The following AAK1 variants were observed in gnomAD, a reference collection of about 807,000 sequenced individuals.
The protein encoded by AAK1 is AP2 associated kinase 1.
AAK1 carries 37 observed loss-of-function variants against 116.0 expected under a neutral mutation model. The observed-to-expected ratio is 0.32, with a 90% CI of 0.25 to 0.42. The LOEUF (loss-of-function observed/expected upper bound fraction) is 0.42. Ranked by LOEUF, AAK1 falls within the 10% of genes least tolerant of loss-of-function variation. AAK1 has a pLI of 1.00. For missense variants in AAK1, 919 were observed against 1,170.6 expected (o/e 0.79, Z 3.14); for synonymous variants, 458 against 439.9 (o/e 1.04, Z -0.51).
chr2:69,614,291 G>C (rs968509845), intron 2 of AAK1, among the ~76,000 whole-genome samples: 9 of 152,190 alleles, frequency 5.9e-5, no homozygotes, highest in African/African-American at 1.7e-4. Context: ...CAAGGAAGGA[G>C]AAAGGGAAGA....
chr2:69,552,013 A>G (rs1462704078), intron 3 of AAK1, among the ~76,000 whole-genome samples: 1 of 152,208 alleles, frequency 6.6e-6, no homozygotes, highest in Non-Finnish European at 1.5e-5. Flanking sequence ...AGCATGTTAC[A>G]TCTTCTGATT....
chr2:69,593,612 G>A (rs888872902), intron 2 of AAK1, among the ~76,000 whole-genome samples: 4 of 152,058 alleles, frequency 2.6e-5, no homozygotes, highest in Admixed American at 6.5e-5. Context: ...AAATCTATGG[G>A]TGATATGAGT....
At chr2:69,508,382 T>C (rs1676267946) in intron 14 of AAK1, among the ~76,000 whole-genome samples, 1 of 152,224 alleles carries the variant, frequency 6.6e-6, no homozygotes, top group Non-Finnish European at 1.5e-5. Context: ...CTAAGTATCA[T>C]TATATAATTT....
Position 69,464,109 on chromosome 2 carries a change from A to G in AAK1, c.*11760T>C, listed in dbSNP as rs1674412407. 1 of 152,628 alleles carries G rather than the reference A, an allele frequency of 6.6e-6. No homozygotes were observed. Among genetic ancestry groups the G allele is most frequent in the East Asian group, 1.9e-4 (1 of 5,208 alleles). 9.5% of individuals were successfully genotyped at this position (152,628 alleles called of 1,614,324 possible). ...AGAGAATGTAAAAGTTTTCATGCCT[A>G]CCTGATTCAGCTCTTTTCCATTCTC... On this transcript the variant is annotated 3_prime_UTR_variant, in exon 22 of 22. Coordinates refer to ENST00000409085, the MANE Select transcript of AAK1 (RefSeq NM_014911.5).
intron 16 of AAK1, among the ~76,000 whole-genome samples, chr2:69,502,637 A>T (rs1676025480): frequency 6.6e-6 from 1 of 152,008 alleles, no homozygotes. Context: ...AAATAAATAA[A>T]ATAAAAATAA....
At chr2:69,536,295 A>C (rs1670471137) in intron 5 of AAK1, among the ~76,000 whole-genome samples, 1 of 152,218 alleles carries the variant, frequency 6.6e-6, no homozygotes, top group Admixed American at 6.5e-5. Context: ...CATTTTTCTC[A>C]GGTCAGCAGC....
At chr2:69,478,766 C>T (rs1157454113) in intron 20 of AAK1, 185 bp downstream of exon 20, 2 of 531,328 alleles carry the variant, frequency 3.8e-6, no homozygotes, top group Non-Finnish European at 6.7e-6. Context: ...TCGTCTAAGT[C>T]TTAGTAAATA....
Position 69,623,700 on chromosome 2 carries a change from C to A in AAK1, c.163+19178G>T, listed in dbSNP as rs199504585. Among the ~76,000 whole-genome samples the A allele has an allele frequency of 1.9e-4, 29 of 152,294 alleles. No individual in the cohort carries two copies. In the East Asian group the frequency reaches 5.6e-3, roughly 29 times the overall value. On this transcript the variant is annotated intron_variant, in intron 2 of 21. Transcript: ENST00000409085. The stretch of plus-strand genomic sequence containing the variant: ...CCCACAACTCTGAATGGCTCTGATA[C>A]TACTCAAAGATAAACTTCAGACTCT...
chr2:69,538,222 CAAGGGGTA>C (rs1297086635), intron 5 of AAK1, among the ~76,000 whole-genome samples: 2 of 152,262 alleles, frequency 1.3e-5, no homozygotes, highest in African/African-American at 4.8e-5. Context: ...CACTGAGGTG[CAAGGGGTA>C]AAGCACTGAG....
At chr2:69,493,000 A>T (rs1675591523) in intron 17 of AAK1, among the ~76,000 whole-genome samples, 1 of 151,680 alleles carries the variant, frequency 6.6e-6, no homozygotes, top group South Asian at 2.1e-4. Flanking sequence ...AGAGACACTG[A>T]ACCCTGAGCC....
At chr2:69,545,887 A>G (rs539814579) in intron 3 of AAK1, among the ~76,000 whole-genome samples, 40 of 152,302 alleles carry the variant, frequency 2.6e-4, no homozygotes, top group Admixed American at 5.2e-4. Flanking sequence ...CAGGGTCTAC[A>G]GATTACTCTT....
In AAK1 at chr2:69,466,997, C is replaced by T; in HGVS notation, c.*8872G>A. Reference sequence around the variant, plus strand: ...AGAATCTGGCATGTGGTCATCCGCGCCACATGCAGAGGGACAAACTCTCTG... The same window carrying T: ...AGAATCTGGCATGTGGTCATCCGCGTCACATGCAGAGGGACAAACTCTCTG... On this transcript the variant is annotated 3_prime_UTR_variant, in exon 22 of 22. Transcript: ENST00000409085. The T allele has an allele frequency of 2.0e-6, 2 of 985,414 alleles. No individual in the cohort carries two copies. The highest frequency in any genetic ancestry group is 4.7e-5 in the South Asian group (1 of 21,280). The allele number at this position is 985,414 out of a possible 1,614,324, so 61.0% of individuals were successfully genotyped here.
chr2:69,485,489 G>T (rs1675257796), intron 17 of AAK1, among the ~76,000 whole-genome samples: 1 of 151,592 alleles, frequency 6.6e-6, no homozygotes, highest in African/African-American at 2.4e-5. Flanking sequence ...GAATCTTCTG[G>T]AGCATCCTGC....
chr2:69,560,534 A>C (rs763845842), intron 2 of AAK1, among the ~76,000 whole-genome samples: 5 of 152,210 alleles, frequency 3.3e-5, no homozygotes, highest in Non-Finnish European at 5.9e-5. Context: ...CTCATCTGTG[A>C]ATCTATTGAA....
chr2:69,640,230 G>A (rs535019943), intron 2 of AAK1, among the ~76,000 whole-genome samples: 26 of 152,078 alleles, frequency 1.7e-4, no homozygotes, highest in East Asian at 9.7e-4. Flanking sequence ...TTGACCTTGC[G>A]TCAGAATCTC....
Position 69,542,731 on chromosome 2 carries a change from G to A in AAK1, c.392-66C>T, listed in dbSNP as rs72895328. On this transcript the variant is annotated intron_variant, in intron 4 of 21. Transcript: ENST00000409085. ...TTCGGACTTGTCATTTAGTCTAAGA[G>A]AATGAACGGCGTCCAAAGAGAAGCA... The A allele has an allele frequency of 0.012, 18,007 of 1,555,254 alleles. 1,663 individuals carry two copies. In the African/African-American group the frequency reaches 0.21, roughly 18 times the overall value.
At position 69,579,463 on chromosome 2, in the gene AAK1, C is replaced by G. The variant is rs973722472; in HGVS notation, c.164-22485G>C. ...GTGTGGTGGTGCATGCCTAGAGACC[C>G]AACTACTCAGGAGACTGAGGTGGGA... On this transcript the variant is annotated intron_variant, in intron 2 of 21. Coordinates refer to ENST00000409085, the MANE Select transcript of AAK1 (RefSeq NM_014911.5). Among the ~76,000 whole-genome samples, 3 of 152,150 alleles carry G rather than the reference C, an allele frequency of 2.0e-5. No individual in the cohort carries two copies. The East Asian group carries it at 5.8e-4, about 29-fold the overall frequency.
At position 69,480,935 on chromosome 2, in the gene AAK1, G is replaced by C. The variant is rs916826898; in HGVS notation, c.2494C>G (p.Leu832Val). ...IEKADVAVES[L>V]IPGLEPPVPQ... ...ACTGGGGGCTCCAGTCCTGGTATGA[G>C]ACTCTCAACAGCAACATCAGCTTTT... Residue 832 changes from leucine to valine, a missense_variant, in exon 19 of 22, where the codon CTC becomes GTC. Physicochemically the swap from Leu to Val is conservative, Grantham distance 32. Around this residue, in one of 4 missense-constraint regions of AAK1, gnomAD observed 263 missense variants for 285.5 expected, o/e 0.92. Transcript: ENST00000409085. The C allele has an allele frequency of 6.2e-7, 1 of 1,606,934 alleles. No individual in the cohort carries two copies. Among genetic ancestry groups the C allele is most frequent in the Non-Finnish European group, 8.5e-7 (1 of 1,177,212 alleles).
chr2:69,531,516 C>G, intron 6 of AAK1: 1 of 934,248 alleles, frequency 1.1e-6, no homozygotes, highest in Non-Finnish European at 1.3e-6. Flanking sequence ...GGGTCAGGCT[C>G]TTATTGGAGT....
Sources: allele counts gnomAD v4.1 joint callset (sites outside exome capture counted in the v4.1 genomes callset), GRCh38; gene constraint gnomAD v4.1.1; regional missense constraint gnomAD v4.1.1; transcripts MANE v1.5; gene names NCBI Gene and HGNC (gene_info 2026-07-23, HGNC 2026-07-21).